Variants in RGS6 observed in about 807,000 individuals in gnomAD.
RGS6 encodes regulator of G-protein signaling 6.
A neutral mutation model predicts 78.5 loss-of-function variants in RGS6; 30 were observed. The ratio of observed to expected loss-of-function variants is 0.38; its 90% CI spans 0.29 to 0.52. RGS6 has a LOEUF of 0.52. RGS6 is among the 20% of genes least tolerant of loss of function. The pLI, the probability that RGS6 is intolerant of heterozygous loss-of-function variation, is 0.85. For synonymous variants in RGS6, 206 were observed against 206.0 expected (o/e 1.00, Z 0.00); for missense variants, 495 against 609.7 (o/e 0.81, Z 1.98).
intron 1 of RGS6, among the ~76,000 whole-genome samples, chr14:71,948,318 A>T (rs2091833313): frequency 6.6e-6 from 1 of 152,198 alleles, no homozygotes; most frequent in African/African-American, 2.4e-5. Flanking sequence ...TGTGTGTCTG[A>T]TAATGAGGCA....
chr14:71,962,496 T>C (rs542898270), intron 1 of RGS6, among the ~76,000 whole-genome samples: 5 of 152,244 alleles, frequency 3.3e-5, no homozygotes, highest in Non-Finnish European at 7.3e-5. Context: ...GTTTTCATGC[T>C]CTGTTGTATT....
At chr14:72,629,835 G>A in the RGS6 span, 1 of 1,006,474 alleles carries the variant, frequency 9.9e-7, no homozygotes, top group East Asian at 2.6e-5. Context: ...TGTGCAGGCA[G>A]GGCAGGGTAG....
intron 3 of RGS6, among the ~76,000 whole-genome samples, chr14:72,429,415 T>G (rs757500741): frequency 6.6e-6 from 1 of 152,138 alleles, no homozygotes; most frequent in Non-Finnish European, 1.5e-5. Context: ...CATTCTAGTC[T>G]CCTGCTGAGA....
At chr14:72,050,235 C>A (rs571837306) in intron 2 of RGS6, among the ~76,000 whole-genome samples, 1 of 152,192 alleles carries the variant, frequency 6.6e-6, no homozygotes, top group South Asian at 2.1e-4. Flanking sequence ...ATGGTGACAA[C>A]GGACTATATC....
intron 2 of RGS6, among the ~76,000 whole-genome samples, chr14:72,089,416 G>A (rs1269438728): frequency 6.6e-6 from 1 of 152,206 alleles, no homozygotes; most frequent in Non-Finnish European, 1.5e-5. Flanking sequence ...AAAGGAAGTA[G>A]GCCAACATCA....
intron 2 of RGS6, among the ~76,000 whole-genome samples, chr14:72,109,482 T>C (rs1043616499): frequency 3.9e-5 from 6 of 152,218 alleles, no homozygotes; most frequent in South Asian, 4.1e-4. Flanking sequence ...TTGAGAGATA[T>C]AGCATTTTTG....
At chr14:72,466,697 T>G (rs1329835932) in intron 7 of RGS6, among the ~76,000 whole-genome samples, 2 of 152,236 alleles carry the variant, frequency 1.3e-5, no homozygotes, top group Non-Finnish European at 2.9e-5. Context: ...GAAAAGCAGA[T>G]CAATGATTGC....
At chr14:72,283,410 A>C (rs899311006) in intron 2 of RGS6, among the ~76,000 whole-genome samples, 2 of 152,186 alleles carry the variant, frequency 1.3e-5, no homozygotes, top group African/African-American at 4.8e-5. Flanking sequence ...CCTAATTCCC[A>C]CAAGTAGTGG....
intron 14 of RGS6, chr14:72,515,922 C>T (rs1331869547): frequency 6.6e-6 from 1 of 152,344 alleles, no homozygotes; most frequent in Non-Finnish European, 1.5e-5. Flanking sequence ...CAGGAAATCA[C>T]CCAGGTGTCA....
At chr14:72,525,578 G>A (rs1353138151) in intron 15 of RGS6, among the ~76,000 whole-genome samples, 3 of 151,846 alleles carry the variant, frequency 2.0e-5, no homozygotes, top group African/African-American at 7.3e-5. Context: ...AATGCAACTT[G>A]ATTAAGGAAT....
At position 72,538,241 on chromosome 14, in the gene RGS6, TAAA is replaced by T. The variant is rs1311722029; in HGVS notation, c.1369-1798_1369-1796del. On this transcript the variant is annotated intron_variant, in intron 16 of 17. Transcript: ENST00000553525. ...GGACGGGTTCACCGTATCCAGGTCA[TAAA>T]AGGTATGTGAGATTCACAACCTCCG... Among the ~76,000 whole-genome samples the T allele has an allele frequency of 4.6e-5, 7 of 152,208 alleles. No homozygotes were observed. In the East Asian group the frequency reaches 1.3e-3, roughly 29 times the overall value.
At chr14:72,465,624 G>GGATA (rs2153275361) in intron 6 of RGS6, 134 bp from the exon 7 acceptor site, 1 of 556,258 alleles carries the variant, frequency 1.8e-6, no homozygotes, top group Non-Finnish European at 3.3e-6. Context: ...GTGGATGGGT[G>GGATA]GATGGATGGA....
intron 2 of RGS6, among the ~76,000 whole-genome samples, chr14:72,261,121 C>T (rs1221122194): frequency 6.6e-6 from 1 of 152,174 alleles, no homozygotes; most frequent in Non-Finnish European, 1.5e-5. Context: ...AATAGAGGGT[C>T]CATGTGGGCC....
At chr14:72,287,540 T>G (rs2062799910) in intron 2 of RGS6, among the ~76,000 whole-genome samples, 1 of 152,160 alleles carries the variant, frequency 6.6e-6, no homozygotes, top group Non-Finnish European at 1.5e-5. Context: ...TACTGCAGCC[T>G]CCGCCTCCCC....
intron 2 of RGS6, among the ~76,000 whole-genome samples, chr14:72,168,441 C>T (rs923648607): frequency 1.3e-5 from 2 of 152,184 alleles, no homozygotes; most frequent in African/African-American, 4.8e-5. Flanking sequence ...GGCAGCACAG[C>T]AGCCGCACAT....
the RGS6 span, among the ~76,000 whole-genome samples, chr14:71,893,474 C>G: frequency 2.6e-5 from 4 of 152,110 alleles, no homozygotes; most frequent in Non-Finnish European, 5.9e-5. Flanking sequence ...TAGAATATTA[C>G]CACATTTGCT....
At chr14:72,404,457 C>A (rs1249090510) in intron 3 of RGS6, among the ~76,000 whole-genome samples, 4 of 152,216 alleles carry the variant, frequency 2.6e-5, no homozygotes, top group African/African-American at 9.6e-5. Context: ...GAGAACCACC[C>A]TTTACCCCAG....
At chr14:72,357,158 G>C (rs1403716423) in intron 3 of RGS6, among the ~76,000 whole-genome samples, 1 of 151,996 alleles carries the variant, frequency 6.6e-6, no homozygotes, top group Non-Finnish European at 1.5e-5. Context: ...TGTAATCCCA[G>C]CTACTTGGGA....
At chr14:72,582,946 A>T in the RGS6 span, among the ~76,000 whole-genome samples, 2 of 56,398 alleles carry the variant, frequency 3.5e-5, no homozygotes, top group African/African-American at 5.4e-5. Flanking sequence ...TGGACTGAGT[A>T]AAAAAAAAAA....
Sources: gnomAD v4.1 joint callset for allele counts (sites outside exome capture counted in the v4.1 genomes callset) on GRCh38, gnomAD v4.1.1 for gene constraint, MANE v1.5 for transcripts, NCBI Gene and HGNC (gene_info 2026-07-23, HGNC 2026-07-21) for gene names.